CD109: variants seen among roughly 807,000 people sequenced by gnomAD.
The protein encoded by CD109 is CD109 antigen.
Under a neutral mutation model 165.8 loss-of-function variants are expected in CD109, and 149 were observed. That is an observed-to-expected ratio of 0.90 (90% CI 0.79 to 1.03). The LOEUF is 1.03. Ranked by LOEUF, CD109 falls within the 50% of genes least tolerant of loss-of-function variation. The pLI, the probability that CD109 is intolerant of heterozygous loss-of-function variation, is 0.00. For synonymous variants in CD109, 585 were observed against 592.1 expected, an observed-to-expected ratio of 0.99 and a Z score of 0.18; for missense variants, 1,712 against 1,677.8, an observed-to-expected ratio of 1.02 and a Z score of -0.36.
At chr6:73,754,049 T>C (rs1582105272) in intron 5 of CD109, among the ~76,000 whole-genome samples, 1 of 152,114 alleles carries the variant, frequency 6.6e-6, no homozygotes, top group Admixed American at 6.6e-5. Flanking sequence ...TGAGTTATAG[T>C]CAGGATATTA....
rs188697558 is a variant in CD109 at position 73,763,004 on chromosome 6, T to G, written c.997+122T>G. On this transcript the variant is annotated intron_variant, in intron 9 of 32. Coordinates refer to ENST00000287097, the MANE Select transcript of CD109 (RefSeq NM_133493.5). The stretch of plus-strand genomic sequence containing the variant: ...ACTTTCTAAAGATGCTATTTAATGT[T>G]GAAATTGTTATGACTGTTAGTCTAA... 1.6e-3 allele frequency: 1,471 copies of G among 901,860 alleles called. 7 individuals carry two copies. Among genetic ancestry groups the G allele is most frequent in the Middle Eastern group, 8.6e-3 (33 of 3,832 alleles). 55.9% of individuals were successfully genotyped at this position (901,860 alleles called of 1,614,324 possible).
chr6:73,803,774 A>G (rs1184986962), intron 24 of CD109, among the ~76,000 whole-genome samples: 3 of 152,100 alleles, frequency 2.0e-5, no homozygotes, highest in East Asian at 1.9e-4. Flanking sequence ...TGGAATCTCT[A>G]TGTGGCTGAT....
chr6:73,819,985 G>C (rs2917893), intron 31 of CD109, among the ~76,000 whole-genome samples: 1 of 151,662 alleles, frequency 6.6e-6, no homozygotes, highest in Non-Finnish European at 1.5e-5. Context: ...GGCCAAATCT[G>C]TCTCTCTTGG....
chr6:73,754,803 A>G (rs1287573672), intron 5 of CD109, among the ~76,000 whole-genome samples: 1 of 152,212 alleles, frequency 6.6e-6, no homozygotes, highest in South Asian at 2.1e-4. Context: ...GGAAGTACAT[A>G]TAAGTCAAGA....
chr6:73,797,096 A>G (rs1368000448), intron 23 of CD109, among the ~76,000 whole-genome samples: 1 of 152,190 alleles, frequency 6.6e-6, no homozygotes, highest in East Asian at 1.9e-4. Context: ...AGTCATGATT[A>G]TATTATTTAA....
intron 20 of CD109, among the ~76,000 whole-genome samples, chr6:73,786,867 C>G (rs1407814363): frequency 1.3e-5 from 2 of 152,090 alleles, no homozygotes; most frequent in Non-Finnish European, 2.9e-5. Context: ...CTAATGAGAC[C>G]AGTATGTTCC....
Position 73,807,082 on chromosome 6 carries a change from A to T in CD109, c.3189+10A>T, listed in dbSNP as rs1294901271. 6.3e-7 allele frequency: 1 copy of T among 1,586,146 alleles called. No homozygotes were observed. The highest frequency in any genetic ancestry group is 8.7e-7 in the Non-Finnish European group (1 of 1,155,456). Reference sequence around the variant, plus strand: ...ATATAGAAAGTATCAGGTATTTCGTATTTAATTTAATAAATGATAGATGGG... The same window carrying T: ...ATATAGAAAGTATCAGGTATTTCGTTTTTAATTTAATAAATGATAGATGGG... On this transcript the variant is annotated intron_variant, in intron 25 of 32. Transcript: ENST00000287097.
At chr6:73,728,047 G>A (rs182824292) in intron 3 of CD109, among the ~76,000 whole-genome samples, 4 of 152,230 alleles carry the variant, frequency 2.6e-5, no homozygotes, top group East Asian at 1.9e-4. Flanking sequence ...TAGGCTGGGC[G>A]CAGTGGCTCA....
chr6:73,806,987 A>T lies in CD109; in HGVS notation c.3104A>T (p.His1035Leu), dbSNP rs758701899. 2.0e-5 allele frequency: 32 copies of T among 1,614,076 alleles called. No homozygotes were observed. The highest frequency in any genetic ancestry group is 2.7e-5 in the Non-Finnish European group (32 of 1,179,974). Residue 1035 changes from histidine (H) to leucine (L), a missense_variant, in exon 25 of 33, where the codon CAT becomes CTT. Coordinates refer to ENST00000287097, the MANE Select transcript of CD109 (RefSeq NM_133493.5). ...GEFWDPGRVI[H>L]SELQGGNKSP... ...TTTTGGGATCCAGGAAGAGTGATTC[A>T]TAGTGAGCTTCAAGGTGGCAATAAA...
Position 73,736,399 on chromosome 6 carries a change from T to A in CD109, c.524T>A (p.Leu175Ter), listed in dbSNP as rs567437881. Residue 175 changes from leucine to a stop codon, truncating the protein, a stop_gained, in exon 5 of 33, where the codon TTG becomes TAG. Transcript: ENST00000287097. LOFTEE classifies it high-confidence loss of function. The stretch of plus-strand genomic sequence containing the variant: ...TCATTTTAGGACCCCAAATCAAATT[T>A]GATCCAACAGTGGTTGTCACAACAA... ...NILIKDPKSN[L>*]IQQWLSQQSD... The A allele has an allele frequency of 1.3e-5, 21 of 1,613,462 alleles. No homozygotes were observed. In the Admixed American group the frequency reaches 3.5e-4, roughly 27 times the overall value.
At chr6:73,684,347 G>A in the CD109 span, among the ~76,000 whole-genome samples, 1 of 151,196 alleles carries the variant, frequency 6.6e-6, no homozygotes, top group Non-Finnish European at 1.5e-5. Context: ...AATCTCCCAA[G>A]TAGCTGGGAC....
chr6:73,761,385 T>G (rs981642654), intron 7 of CD109, among the ~76,000 whole-genome samples: 16 of 152,202 alleles, frequency 1.1e-4, no homozygotes, highest in African/African-American at 3.9e-4. Context: ...CACTTCCAAT[T>G]ATGATCAGGT....
rs185809899 is a variant in CD109, at chr6:73,780,401, C to T, written c.1828-23C>T. ...AAAGTTGTTATGAATCCATTCATTC[C>T]GTATATTTTATCTTCTCCTTAGGTG... On this transcript the variant is annotated intron_variant, in intron 15 of 32. Transcript: ENST00000287097. 2.4e-4 allele frequency: 336 copies of T among 1,376,948 alleles called. 1 individual carries two copies. In the African/African-American group the frequency reaches 4.1e-3, roughly 17 times the overall value. 85.3% of individuals were successfully genotyped at this position (1,376,948 alleles called of 1,614,324 possible).
chr6:73,817,955 A>G (rs1775994819), intron 30 of CD109, among the ~76,000 whole-genome samples: 1 of 152,214 alleles, frequency 6.6e-6, no homozygotes, highest in Admixed American at 6.5e-5. Flanking sequence ...ACCTATCACT[A>G]AGTGGTCAAG....
intron 11 of CD109, 132 bp from the exon 12 acceptor site, chr6:73,766,627 G>A (rs1227792472): frequency 8.0e-6 from 5 of 628,142 alleles, no homozygotes; most frequent in African/African-American, 7.4e-5. Context: ...CCAATGTCTG[G>A]TGAATGTATT....
At chr6:73,746,573 A>T (rs1731534519) in intron 5 of CD109, among the ~76,000 whole-genome samples, 1 of 152,118 alleles carries the variant, frequency 6.6e-6, no homozygotes. Flanking sequence ...TTTAAAGAGA[A>T]TATGTTTCTA....
the CD109 span, among the ~76,000 whole-genome samples, chr6:73,685,278 C>G: frequency 1.1e-4 from 16 of 151,958 alleles, no homozygotes; most frequent in Non-Finnish European, 1.8e-4. Flanking sequence ...TGGATATAAG[C>G]CCCTTACTAA....
chr6:73,810,795 A>T (rs1056515250), intron 27 of CD109, among the ~76,000 whole-genome samples, 197 bp from the exon 28 acceptor site: 1 of 152,184 alleles, frequency 6.6e-6, no homozygotes, highest in Non-Finnish European at 1.5e-5. Context: ...TCTATACACT[A>T]AAAACTATAA....
intron 23 of CD109, among the ~76,000 whole-genome samples, chr6:73,794,901 A>G (rs1379863937): frequency 1.3e-5 from 2 of 151,920 alleles, no homozygotes; most frequent in East Asian, 3.9e-4. Flanking sequence ...TGTTTTAAAT[A>G]TATACGTACA....
Sources: gnomAD v4.1 joint callset for allele counts (sites outside exome capture counted in the v4.1 genomes callset) on GRCh38, gnomAD v4.1.1 for gene constraint, MANE v1.5 for transcripts, NCBI Gene and HGNC (gene_info 2026-07-23, HGNC 2026-07-21) for gene names.